Variants in SLC66A1 observed in about 807,000 individuals in gnomAD.
The protein encoded by SLC66A1 is solute carrier family 66 member 1.
Under a neutral mutation model 33.0 loss-of-function variants are expected in SLC66A1, and 23 were observed. The ratio of observed to expected loss-of-function variants is 0.70; its 90% CI spans 0.50 to 0.99. SLC66A1 has a LOEUF of 0.99. Among genes scored for constraint, SLC66A1 ranks in the 50% least tolerant of loss-of-function variants. SLC66A1 has a pLI of 0.00. For missense variants in SLC66A1, 335 were observed against 383.6 expected, an observed-to-expected ratio of 0.87 and a Z score of 1.06; for synonymous variants, 164 against 175.5, an observed-to-expected ratio of 0.93 and a Z score of 0.52.
Position 19,326,519 on chromosome 1 carries a change from T to G in SLC66A1, c.526-12T>G, listed in dbSNP as rs2093868096. 6.2e-7 allele frequency: 1 copy of G among 1,614,066 alleles called. No individual in the cohort carries two copies. The highest frequency in any genetic ancestry group is 1.7e-5 in the Admixed American group (1 of 60,008). On this transcript the variant is annotated splice_polypyrimidine_tract_variant and intron_variant, in intron 5 of 7. Transcript: ENST00000375153. The stretch of plus-strand genomic sequence containing the variant: ...TCCTACGAGACACCAAGTGCCCCCT[T>G]CTGCCCCACAGCCCTTCACCCGGCA...
Position 19,325,588 on chromosome 1 carries a change from T to A in SLC66A1, c.382+6T>A. 2 of 1,540,916 alleles carry A rather than the reference T, an allele frequency of 1.3e-6. No homozygotes were observed. The highest frequency in any genetic ancestry group is 1.8e-6 in the Non-Finnish European group (2 of 1,125,582). On this transcript the variant is annotated splice_donor_region_variant and intron_variant, in intron 4 of 7. Coordinates refer to ENST00000375153, the MANE Select transcript of SLC66A1 (RefSeq NM_001040125.2). ...CAGGACGCGCCCCTCTCTGTGTGAG[T>A]ATGGGGACCGCTCTCTGTCAGATGC...
chr1:19,330,665 G>T (rs56239997), downstream of SLC66A1, among the ~76,000 whole-genome samples: 22,813 of 152,172 alleles, frequency 0.15, 1,851 homozygotes, highest in East Asian at 0.22. Context: ...CTGGAGGTGG[G>T]TGTCTCGGGT....
chr1:19,325,641 GGGGGGGCGCCTGGAGTGTGGGA>G, intron 4 of SLC66A1, 59 bp downstream of exon 4: 1 of 1,058,902 alleles, frequency 9.4e-7, no homozygotes. Flanking sequence ...GCAGTTGTGG[GGGGGGGCGCCTGGAGTGTGGGA>G]GGAAGCGGGT....
At chr1:19,323,611 T>A (rs1313426899) in intron 2 of SLC66A1, among the ~76,000 whole-genome samples, 1 of 152,170 alleles carries the variant, frequency 6.6e-6, no homozygotes, top group East Asian at 1.9e-4. Flanking sequence ...TTCACCATGT[T>A]GGCCAGGCTG....
chr1:19,326,023 C>G (rs1441191175), intron 4 of SLC66A1, among the ~76,000 whole-genome samples: 1 of 152,200 alleles, frequency 6.6e-6, no homozygotes, highest in East Asian at 1.9e-4. Flanking sequence ...CGTGTAACCC[C>G]CTCCTGACCT....
intron 2 of SLC66A1, among the ~76,000 whole-genome samples, 196 bp downstream of exon 2, chr1:19,318,037 G>T (rs1419101314): frequency 6.6e-6 from 1 of 152,202 alleles, no homozygotes; most frequent in Non-Finnish European, 1.5e-5. Flanking sequence ...CTGATACAGA[G>T]ATCATCACCT....
At chr1:19,315,982 C>G (rs545068885) in intron 1 of SLC66A1, among the ~76,000 whole-genome samples, 5 of 152,294 alleles carry the variant, frequency 3.3e-5, no homozygotes, top group Admixed American at 3.3e-4. Flanking sequence ...ATGCAGGATG[C>G]TTGGCTCACC....
At chr1:19,322,885 A>ATT (rs11445333) in intron 2 of SLC66A1, among the ~76,000 whole-genome samples, 102 of 148,838 alleles carry the variant, frequency 6.9e-4, no homozygotes, top group East Asian at 1.6e-3. Flanking sequence ...ATTAAAGACA[A>ATT]TTTTTTTTTT....
chr1:19,316,381 G>GTA (rs2093805984), intron 1 of SLC66A1, among the ~76,000 whole-genome samples: 1 of 151,714 alleles, frequency 6.6e-6, no homozygotes, highest in South Asian at 2.1e-4. Flanking sequence ...GTGTGTGTGT[G>GTA]TGTGTGTGTG....
At chr1:19,320,468 C>T (rs1327627891) in intron 2 of SLC66A1, among the ~76,000 whole-genome samples, 3 of 134,560 alleles carry the variant, frequency 2.2e-5, no homozygotes, top group Non-Finnish European at 4.6e-5. Context: ...GGCTGGAGAG[C>T]GGTGGTGCGA....
Position 19,324,978 on chromosome 1 carries a change from G to A in SLC66A1, c.294+216G>A, listed in dbSNP as rs1235250218. ...GCCTCAGTTTCCCCATCTGCAATAT[G>A]AGCATGTCTAACAGGAAGGTTTCGG... On this transcript the variant is annotated intron_variant, in intron 3 of 7. Transcript: ENST00000375153. Among the ~76,000 whole-genome samples the A allele has an allele frequency of 5.3e-5, 8 of 152,250 alleles. No homozygotes were observed. In the East Asian group the frequency reaches 1.5e-3, roughly 29 times the overall value.
downstream of SLC66A1, chr1:19,329,310 C>T (rs1052036906): frequency 6.5e-6 from 1 of 152,800 alleles, no homozygotes; most frequent in South Asian, 2.1e-4. Context: ...AGACCTGCTT[C>T]TGTTGCTCCT....
chr1:19,320,669 C>A lies in SLC66A1; in HGVS notation c.164+2828C>A, dbSNP rs375408671. Among the ~76,000 whole-genome samples, 29 of 151,850 alleles carry A rather than the reference C, an allele frequency of 1.9e-4. 1 individual carries two copies. Among genetic ancestry groups the A allele is most frequent in the African/African-American group, 6.8e-4 (28 of 41,196 alleles). The stretch of plus-strand genomic sequence containing the variant: ...TGACCTTGTGATCCGCCCGCCTTGG[C>A]CTCCCAAAGTGCTGGGATTACAGGC... On this transcript the variant is annotated intron_variant, in intron 2 of 7. Transcript: ENST00000375153.
At chr1:19,332,946 C>T (rs946121458), downstream of SLC66A1, among the ~76,000 whole-genome samples, 5 of 152,332 alleles carry the variant, frequency 3.3e-5, no homozygotes, top group African/African-American at 9.6e-5. Context: ...CAGAGGTCCC[C>T]GCCTTGGCAG....
At chr1:19,317,544 C>T in intron 1 of SLC66A1, 56 bp from the exon 2 acceptor site, 1 of 1,470,802 alleles carries the variant, frequency 6.8e-7, no homozygotes, top group Non-Finnish European at 9.0e-7. Flanking sequence ...TTGGGATGAC[C>T]ATGAATAGGA....
At chr1:19,315,536 C>T (rs1318402097) in intron 1 of SLC66A1, among the ~76,000 whole-genome samples, 1 of 152,260 alleles carries the variant, frequency 6.6e-6, no homozygotes, top group Non-Finnish European at 1.5e-5. Flanking sequence ...GTGTCCTCAG[C>T]AGTTCCGTGG....
intron 2 of SLC66A1, among the ~76,000 whole-genome samples, chr1:19,318,816 C>T (rs922878698): frequency 9.3e-5 from 14 of 150,732 alleles, no homozygotes; most frequent in African/African-American, 3.4e-4. Flanking sequence ...AAATTAAAAA[C>T]AAAAAAGAAG....
Position 19,313,395 on chromosome 1 carries a change from A to G in SLC66A1, c.-79+506A>G, listed in dbSNP as rs116520931. 9.7e-3 allele frequency among the ~76,000 whole-genome samples: 1,474 copies of G among 151,888 alleles called. 36 individuals carry two copies. Among genetic ancestry groups the G allele is most frequent in the African/African-American group, 0.033 (1,377 of 41,382 alleles). ...TCTCTCTTTCTCTCACTGTCTCTCA[A>G]CATTTGCTGAACCTCTAGGTGTGTT... On this transcript the variant is annotated intron_variant, in intron 1 of 7. Transcript: ENST00000375153.
chr1:19,327,468 C>T, intron 7 of SLC66A1, 56 bp downstream of exon 7: 1 of 1,549,202 alleles, frequency 6.5e-7, no homozygotes, highest in South Asian at 1.2e-5. Context: ...AAGCTTCTGC[C>T]TGCACACAGC....
Sources: gnomAD v4.1 joint callset for allele counts (sites outside exome capture counted in the v4.1 genomes callset) on GRCh38, gnomAD v4.1.1 for gene constraint, MANE v1.5 for transcripts, NCBI Gene and HGNC (gene_info 2026-07-23, HGNC 2026-07-21) for gene names.